Variants in PPFIA1 observed in about 807,000 individuals in gnomAD.
The protein encoded by PPFIA1 is PPFI scaffold protein A1.
A neutral mutation model predicts 149.9 loss-of-function variants in PPFIA1; 25 were observed. The ratio of observed to expected loss-of-function variants is 0.17; its 90% confidence interval spans 0.12 to 0.23. The LOEUF is 0.23. Among genes scored for constraint, PPFIA1 ranks in the 10% least tolerant of loss-of-function variants. PPFIA1 has a pLI of 1.00. For missense variants in PPFIA1, 1,362 were observed against 1,506.5 expected (o/e 0.90, Z 1.59); for synonymous variants, 549 against 552.8 (o/e 0.99, Z 0.10).
Position 70,362,414 on chromosome 11 carries a change from A to G in PPFIA1, c.2791A>G (p.Arg931Gly), listed in dbSNP as rs1363810360. The G allele has an allele frequency of 6.2e-7, 1 of 1,614,174 alleles. No homozygotes were observed. Among genetic ancestry groups the G allele is most frequent in the Non-Finnish European group, 8.5e-7 (1 of 1,180,014 alleles). ...REIGISNPLH[R>G]LKLRLAIQEI... is the part of the protein sequence containing the mutation. Reference sequence around the variant, plus strand: ...GATTGGCATCAGCAACCCCCTGCACAGGCTGAAGCTGAGGCTGGCCATCCA... The same window carrying G: ...GATTGGCATCAGCAACCCCCTGCACGGGCTGAAGCTGAGGCTGGCCATCCA... Residue 931 changes from arginine to glycine, a missense_variant, in exon 21 of 28, where the codon AGG becomes GGG. By Grantham distance (125) the Arg-to-Gly change is moderately radical (BLOSUM62 -2). Around this residue, in one of 7 missense-constraint regions of PPFIA1, gnomAD observed 349 missense variants for 373.3 expected, o/e 0.93. Coordinates refer to ENST00000253925, the MANE Select transcript of PPFIA1 (RefSeq NM_003626.5).
At chr11:70,293,978 C>T (rs532653738) in intron 2 of PPFIA1, among the ~76,000 whole-genome samples, 4 of 137,208 alleles carry the variant, frequency 2.9e-5, no homozygotes, top group South Asian at 2.2e-4. Context: ...CTTCCTGTGT[C>T]GCCCAGGCTG....
intron 1 of PPFIA1, 192 bp downstream of exon 1, chr11:70,271,106 C>T (rs960538552): frequency 3.9e-5 from 6 of 151,986 alleles, no homozygotes; most frequent in Non-Finnish European, 8.8e-5. Flanking sequence ...CAAGGGACGG[C>T]TCCGGGGACT....
chr11:70,370,033 C>T (rs528916518), intron 21 of PPFIA1, among the ~76,000 whole-genome samples: 98 of 151,880 alleles, frequency 6.5e-4, no homozygotes, highest in Middle Eastern at 3.4e-3. Context: ...GCTCACTGCA[C>T]CTCCGCCTCC....
rs629498 is a variant in PPFIA1, at chr11:70,309,859, C to T, written c.265-14543C>T. The stretch of plus-strand genomic sequence containing the variant: ...CTAGGGCGGAGAGGGGAGGGAGGGT[C>T]GGTGGTGATTGCTGATAGGTATGGG... On this transcript the variant is annotated intron_variant, in intron 2 of 27. Coordinates refer to ENST00000253925, the MANE Select transcript of PPFIA1 (RefSeq NM_003626.5). 2.7e-3 allele frequency among the ~76,000 whole-genome samples: 414 copies of T among 151,682 alleles called. 2 individuals are homozygous for T. Among genetic ancestry groups the T allele is most frequent in the African/African-American group, 8.5e-3 (353 of 41,356 alleles).
At chr11:70,328,103 G>T (rs2054428781) in intron 7 of PPFIA1, among the ~76,000 whole-genome samples, 1 of 152,140 alleles carries the variant, frequency 6.6e-6, no homozygotes, top group Admixed American at 6.5e-5. Context: ...TAACTTTTAA[G>T]TTTGGGGTAC....
At chr11:70,328,569 A>G (rs766587763) in intron 7 of PPFIA1, among the ~76,000 whole-genome samples, 2 of 152,130 alleles carry the variant, frequency 1.3e-5, no homozygotes, top group Non-Finnish European at 2.9e-5. Flanking sequence ...TAATACAACG[A>G]TTTATATTCC....
At chr11:70,344,738 A>G (rs2055580208) in intron 15 of PPFIA1, among the ~76,000 whole-genome samples, 1 of 152,234 alleles carries the variant, frequency 6.6e-6, no homozygotes, top group Non-Finnish European at 1.5e-5. Flanking sequence ...CTAGGCCTGC[A>G]GCAGTGTGTA....
chr11:70,308,255 T>C (rs569222176), intron 2 of PPFIA1, among the ~76,000 whole-genome samples: 91 of 152,140 alleles, frequency 6.0e-4, no homozygotes, highest in African/African-American at 2.1e-3. Flanking sequence ...TCCATGTTGG[T>C]CAGGCTGGTC....
At chr11:70,336,745 A>G (rs1403192099) in intron 11 of PPFIA1, among the ~76,000 whole-genome samples, 2 of 152,192 alleles carry the variant, frequency 1.3e-5, no homozygotes, top group Non-Finnish European at 2.9e-5. Context: ...GAGAAGCTCT[A>G]ATGGGCAGCA....
intron 14 of PPFIA1, among the ~76,000 whole-genome samples, chr11:70,340,743 C>T (rs1161961460): frequency 6.6e-6 from 1 of 151,970 alleles, no homozygotes; most frequent in African/African-American, 2.4e-5. Context: ...TGGTGTGGAA[C>T]AAATTACTAC....
intron 15 of PPFIA1, among the ~76,000 whole-genome samples, chr11:70,347,376 A>G (rs907474947): frequency 6.6e-6 from 1 of 152,214 alleles, no homozygotes; most frequent in Non-Finnish European, 1.5e-5. Flanking sequence ...TGGAAGGTTT[A>G]CTTTTTGTTG....
chr11:70,310,700 A>G (rs2053208066), intron 2 of PPFIA1, among the ~76,000 whole-genome samples: 1 of 152,108 alleles, frequency 6.6e-6, no homozygotes, highest in Non-Finnish European at 1.5e-5. Flanking sequence ...ACTTTTCTAA[A>G]AGCACTAAGG....
intron 8 of PPFIA1, among the ~76,000 whole-genome samples, 169 bp from the exon 9 acceptor site, chr11:70,331,787 AAAAC>A (rs2054681977): frequency 1.3e-5 from 2 of 148,412 alleles, no homozygotes; most frequent in Non-Finnish European, 2.9e-5. Flanking sequence ...CTCAAAAACA[AAAAC>A]AAAAACAAAA....
At chr11:70,314,518 A>G (rs1320138881) in intron 2 of PPFIA1, among the ~76,000 whole-genome samples, 1 of 152,248 alleles carries the variant, frequency 6.6e-6, no homozygotes, top group Non-Finnish European at 1.5e-5. Context: ...AAAACAAAAA[A>G]AAATTATCTT....
chr11:70,354,581 A>G (rs910319138), intron 17 of PPFIA1, 129 bp downstream of exon 17: 2 of 1,045,742 alleles, frequency 1.9e-6, no homozygotes, highest in Non-Finnish European at 2.7e-6. Context: ...AGTTGAGTGT[A>G]TTTACATGTT....
Position 70,372,489 on chromosome 11 carries a change from G to T in PPFIA1, c.3054G>T (p.Gln1018His), listed in dbSNP as rs1259964869. 6.2e-7 allele frequency: 1 copy of T among 1,613,996 alleles called. No homozygotes were observed. Residue 1018 changes from glutamine to histidine, a missense_variant, in exon 23 of 28, where the codon CAG becomes CAT. Gln to His is a conservative substitution (Grantham distance 24, BLOSUM62 0). This residue lies in a region of PPFIA1 where 349 missense variants were observed against 373.3 expected (regional missense o/e 0.93). Transcript: ENST00000253925. ...TTCTTCCAAATAGAAACAGTTTCCA[G>T]TGTGGAATTATGTGCCTGAGAAGGT... ...MVDSFHRNSF[Q>H]CGIMCLRRLN...
In PPFIA1 at chr11:70,366,314, T is replaced by C. The variant is rs146979033; in HGVS notation, c.2865+3826T>C. 9.2e-4 allele frequency among the ~76,000 whole-genome samples: 140 copies of C among 152,338 alleles called. 2 individuals carry two copies. The highest frequency in any genetic ancestry group is 3.0e-3 in the African/African-American group (123 of 41,574). On this transcript the variant is annotated intron_variant, in intron 21 of 27. Transcript: ENST00000253925. The stretch of plus-strand genomic sequence containing the variant: ...GGTAGGGTAATGTTATTACAAGATA[T>C]ACTGATAGGGAAATTGTGCTCTAAT...
rs1565406151 is a variant in PPFIA1 at position 70,332,048 on chromosome 11, C to CGGAGGT, written c.1172_1177dup (p.Val391_Glu392dup). The CGGAGGT allele has an allele frequency of 1.2e-6, 2 of 1,612,404 alleles. No individual in the cohort carries two copies. The highest frequency in any genetic ancestry group is 4.5e-5 in the East Asian group (2 of 44,682). On this transcript the variant is annotated inframe_insertion, in exon 9 of 28. Transcript: ENST00000253925. ...ACACTGAGGAAGGCAGAGACGCTCCCGGAGGTGGAGGCGGAGCTGGCCCAG... is the reference window on the plus strand; with the variant it reads ...ACACTGAGGAAGGCAGAGACGCTCCCGGAGGTGGAGGTGGAGGCGGAGCTGGCCCAG...
At position 70,369,358 on chromosome 11, in the gene PPFIA1, G is replaced by A. The variant is rs549845041; in HGVS notation, c.2866-2857G>A. On this transcript the variant is annotated intron_variant, in intron 21 of 27. Transcript: ENST00000253925. ...GCCATACTTGTCATGATATCTTATT[G>A]TTTTAATATGTTGTTGACTTGGCAA... Among the ~76,000 whole-genome samples, 3 of 151,984 alleles carry A rather than the reference G, an allele frequency of 2.0e-5. No homozygotes were observed. In the South Asian group the frequency reaches 6.2e-4, roughly 32 times the overall value.
Sources: gnomAD v4.1 joint callset for allele counts (sites outside exome capture counted in the v4.1 genomes callset) on GRCh38, gnomAD v4.1.1 for gene constraint, gnomAD v4.1.1 regional missense constraint, MANE v1.5 for transcripts, NCBI Gene and HGNC (gene_info 2026-07-23, HGNC 2026-07-21) for gene names.